Variants in DENND1B observed in about 807,000 individuals in gnomAD.
The protein encoded by DENND1B is DENN domain containing 1B, also known as DENN domain-containing protein 1B.
DENND1B carries 59 observed loss-of-function variants against 90.1 expected under a neutral mutation model. The ratio of observed to expected loss-of-function variants is 0.65; its 90% confidence interval spans 0.53 to 0.81. DENND1B has a LOEUF of 0.81. Among genes scored for constraint, DENND1B ranks in the 40% least tolerant of loss-of-function variants. The pLI, the probability that DENND1B is intolerant of heterozygous loss-of-function variation, is 0.00. For synonymous variants in DENND1B, 337 were observed against 324.6 expected (o/e 1.04, Z -0.41); for missense variants, 862 against 912.6 (o/e 0.94, Z 0.71).
chr1:197,593,569 G>C (rs1382631213), intron 14 of DENND1B, among the ~76,000 whole-genome samples: 7 of 151,600 alleles, frequency 4.6e-5, no homozygotes, highest in Non-Finnish European at 7.4e-5. Context: ...ACTCCTATCT[G>C]TGCAATGAAG....
At chr1:197,676,805 T>G in intron 3 of DENND1B, among the ~76,000 whole-genome samples, 1 of 152,024 alleles carries the variant, frequency 6.6e-6, no homozygotes, top group Non-Finnish European at 1.5e-5. Context: ...TGATGAAAAT[T>G]TATATTTTGG....
intron 14 of DENND1B, among the ~76,000 whole-genome samples, chr1:197,594,376 A>G (rs1452838108): frequency 1.3e-5 from 2 of 152,130 alleles, no homozygotes; most frequent in African/African-American, 4.8e-5. Context: ...GGGGGAAGGT[A>G]TAAGAATTCT....
At chr1:197,692,527 T>C (rs1009292277) in intron 3 of DENND1B, among the ~76,000 whole-genome samples, 1 of 151,888 alleles carries the variant, frequency 6.6e-6, no homozygotes, top group Non-Finnish European at 1.5e-5. Flanking sequence ...ATTTTGTTAC[T>C]TCTTCCATTC....
At chr1:197,552,940 A>G (rs1219808718) in intron 16 of DENND1B, 82 bp downstream of exon 16, 2 of 1,534,972 alleles carry the variant, frequency 1.3e-6, no homozygotes, top group Non-Finnish European at 1.7e-6. Flanking sequence ...TGTTTATGAA[A>G]TAGGTTTTAT....
At position 197,509,803 on chromosome 1, in the gene DENND1B, G is replaced by A. The variant is rs1667901932; in HGVS notation, c.*657C>T. 1 of 151,850 alleles carries A rather than the reference G, an allele frequency of 6.6e-6. No individual in the cohort carries two copies. Among genetic ancestry groups the A allele is most frequent in the Admixed American group, 6.6e-5 (1 of 15,168 alleles). The allele number at this position is 151,850 out of a possible 1,614,324, so 9.4% of individuals were successfully genotyped here. ...ACTTCCTATATTTCACTGAATGAAA[G>A]GTAAGTGTATATTTTTATACTTTTT... On this transcript the variant is annotated 3_prime_UTR_variant, in exon 23 of 23. Transcript: ENST00000620048.
chr1:197,758,446 A>G (rs1219909930), intron 2 of DENND1B, among the ~76,000 whole-genome samples: 1 of 152,236 alleles, frequency 6.6e-6, no homozygotes, highest in East Asian at 1.9e-4. Flanking sequence ...CAGAAACCAA[A>G]TAAAAGTTTC....
At chr1:197,718,139 G>C (rs986239657) in intron 2 of DENND1B, among the ~76,000 whole-genome samples, 19 of 151,954 alleles carry the variant, frequency 1.3e-4, no homozygotes, top group African/African-American at 4.6e-4. Flanking sequence ...GAGATGTGAG[G>C]AGCATATGTT....
At chr1:197,581,064 T>C (rs969970205) in intron 15 of DENND1B, among the ~76,000 whole-genome samples, 1 of 152,194 alleles carries the variant, frequency 6.6e-6, no homozygotes, top group Non-Finnish European at 1.5e-5. Context: ...TGAATAATTC[T>C]AGACCTATAA....
chr1:197,717,829 A>G (rs1660785328), intron 2 of DENND1B, among the ~76,000 whole-genome samples: 1 of 152,028 alleles, frequency 6.6e-6, no homozygotes, highest in African/African-American at 2.4e-5. Flanking sequence ...CAAAAAGAGT[A>G]TGCAGTAAAA....
intron 3 of DENND1B, among the ~76,000 whole-genome samples, chr1:197,694,984 C>T (rs960891118): frequency 6.6e-6 from 1 of 151,134 alleles, no homozygotes; most frequent in Non-Finnish European, 1.5e-5. Flanking sequence ...CCAGCAAATA[C>T]TTCAACTATA....
chr1:197,510,648 G>C lies in DENND1B; in HGVS notation c.2140C>G (p.Leu714Val), dbSNP rs1431134785. Residue 714 changes from leucine to valine, a missense_variant, in exon 23 of 23, where the codon CTG (leucine) becomes GTG (valine). By Grantham distance (32) the Leu-to-Val change is conservative (BLOSUM62 1). Transcript: ENST00000620048. Reference sequence around the variant, plus strand: ...TGCCGCCCAAGACCGGGTATAAGCAGATCATCTGAAATCTGGCTTAGTGTT... The same window carrying C: ...TGCCGCCCAAGACCGGGTATAAGCACATCATCTGAAATCTGGCTTAGTGTT... Reference protein sequence around the residue: ...RETLSQISDDLLIPGLGRHSS... With the variant: ...RETLSQISDDVLIPGLGRHSS... 2 of 1,612,720 alleles carry C rather than the reference G, an allele frequency of 1.2e-6. No individual in the cohort carries two copies. The highest frequency in any genetic ancestry group is 1.7e-6 in the Non-Finnish European group (2 of 1,179,260).
chr1:197,672,189 CTTGT>C (rs774420533), intron 4 of DENND1B, 33 bp from the exon 5 acceptor site: 2 of 1,549,770 alleles, frequency 1.3e-6, no homozygotes, highest in East Asian at 4.7e-5. Flanking sequence ...AACATTGTGC[CTTGT>C]TTGACAATTT....
intron 15 of DENND1B, among the ~76,000 whole-genome samples, chr1:197,554,105 AC>A: frequency 1.1e-4 from 1 of 9,180 alleles, no homozygotes; most frequent in Non-Finnish European, 3.9e-4. Flanking sequence ...GATTATACAC[AC>A]ACACACACAC....
intron 15 of DENND1B, among the ~76,000 whole-genome samples, chr1:197,558,444 C>CT (rs1671887857): frequency 6.6e-6 from 1 of 151,724 alleles, no homozygotes; most frequent in African/African-American, 2.4e-5. Context: ...ATGACATGAT[C>CT]TTTTTGCTTT....
intron 14 of DENND1B, among the ~76,000 whole-genome samples, chr1:197,589,618 C>CA (rs1675010226): frequency 6.6e-6 from 1 of 152,176 alleles, no homozygotes; most frequent in African/African-American, 2.4e-5. Context: ...TTATGGATGC[C>CA]AACCCTGTGT....
chr1:197,600,675 T>C (rs980189890), intron 13 of DENND1B, among the ~76,000 whole-genome samples: 1 of 151,696 alleles, frequency 6.6e-6, no homozygotes, highest in Admixed American at 6.6e-5. Context: ...CTAATAAATA[T>C]ACCAAACAGT....
intron 3 of DENND1B, among the ~76,000 whole-genome samples, chr1:197,696,317 T>C (rs932317666): frequency 1.3e-5 from 2 of 151,612 alleles, no homozygotes; most frequent in African/African-American, 2.4e-5. Flanking sequence ...ATTTGATTAA[T>C]TAATGGAATT....
intron 1 of DENND1B, chr1:197,774,671 C>G: frequency 6.5e-6 from 1 of 153,298 alleles, no homozygotes; most frequent in Non-Finnish European, 1.5e-5. Flanking sequence ...AACAAACGGA[C>G]TTAAGAAAAC....
At chr1:197,672,212 A>C (rs1655583076) in intron 4 of DENND1B, 56 bp from the exon 5 acceptor site, 1 of 1,544,678 alleles carries the variant, frequency 6.5e-7, no homozygotes, top group South Asian at 1.2e-5. Context: ...TTTCTTCAAG[A>C]AAAACAAAAA....
Sources: allele counts gnomAD v4.1 joint callset (sites outside exome capture counted in the v4.1 genomes callset), GRCh38; gene constraint gnomAD v4.1.1; transcripts MANE v1.5; gene names NCBI Gene and HGNC (gene_info 2026-07-23, HGNC 2026-07-21).